Variants in VWDE observed in about 807,000 individuals in gnomAD.
VWDE encodes the protein von Willebrand factor D and EGF domain-containing protein.
In VWDE, 207 loss-of-function variants were observed where a neutral mutation model predicts 178.4. The observed-to-expected ratio is 1.16, with a 90% confidence interval of 1.04 to 1.30. The LOEUF (loss-of-function observed/expected upper bound fraction) is 1.30. Ranked by LOEUF, VWDE falls within the 50% of genes most tolerant of loss-of-function variation. The probability of loss-of-function intolerance (pLI) is 0.00; values close to 1 mark genes in which losing one functional copy is unlikely to be tolerated. For synonymous variants in VWDE, 738 were observed against 651.4 expected (o/e 1.13, Z -2.02); for missense variants, 2,287 against 1,901.3 (o/e 1.20, Z -3.77).
chr7:12,376,366 G>A (rs995899384), intron 7 of VWDE, among the ~76,000 whole-genome samples: 1 of 151,962 alleles, frequency 6.6e-6, no homozygotes, highest in African/African-American at 2.4e-5. Context: ...AAGATGAGGG[G>A]TATCCAGAAT....
chr7:12,357,598 C>A, intron 16 of VWDE, 83 bp from the exon 17 acceptor site: 1 of 1,437,570 alleles, frequency 7.0e-7, no homozygotes, highest in Non-Finnish European at 9.3e-7. Context: ...CAGAGATATG[C>A]ATTTTGATAA....
At chr7:12,381,663 C>T (rs1283871936) in intron 4 of VWDE, among the ~76,000 whole-genome samples, 1 of 151,832 alleles carries the variant, frequency 6.6e-6, no homozygotes, top group African/African-American at 2.4e-5. Flanking sequence ...AAATATTTTG[C>T]TAAGCATTTT....
Position 12,370,432 on chromosome 7 carries a change from C to T in VWDE, c.1874G>A (p.Cys625Tyr). 6.5e-7 allele frequency: 1 copy of T among 1,545,028 alleles called. No homozygotes were observed. Residue 625 changes from cysteine to tyrosine, a missense_variant, in exon 12 of 29, where the codon TGT (cysteine) becomes TAT (tyrosine). By Grantham distance (194) the Cys-to-Tyr change is radical. Coordinates refer to ENST00000275358, the MANE Select transcript of VWDE (RefSeq NM_001135924.3). Reference protein sequence around the residue: ...TSPGKPSYCSCSLDTAAYPSS... With the variant: ...TSPGKPSYCSYSLDTAAYPSS... Reference sequence around the variant, plus strand: ...CGGATACGCTGCAGTGTCCAATGAACAGCTACAATAGGATGGCTTTCCAGG... The same window carrying T: ...CGGATACGCTGCAGTGTCCAATGAATAGCTACAATAGGATGGCTTTCCAGG...
At position 12,375,084 on chromosome 7, in the gene VWDE, C is replaced by T. The variant is rs1008379000; in HGVS notation, c.1168G>A (p.Val390Ile). Residue 390 changes from valine (V) to isoleucine (I), a missense_variant, in exon 8 of 29, where the codon GTC becomes ATC. Transcript: ENST00000275358. ...VTDFSRDGDR[V>I]SNIVVQPIVN... Reference sequence around the variant, plus strand: ...ATTGGTTGCACTACAATGTTTGAGACTCTATCTCCATCTCGAGAAAAATCT... The same window carrying T: ...ATTGGTTGCACTACAATGTTTGAGATTCTATCTCCATCTCGAGAAAAATCT... 6.4e-7 allele frequency: 1 copy of T among 1,551,316 alleles called. No homozygotes were observed. The highest frequency in any genetic ancestry group is 8.7e-7 in the Non-Finnish European group (1 of 1,146,728).
chr7:12,388,805 C>T (rs1031484585), intron 3 of VWDE: 7 of 430,480 alleles, frequency 1.6e-5, no homozygotes, highest in Non-Finnish European at 2.3e-5. Flanking sequence ...AACTTTTACT[C>T]ACCCTTCTTC....
intron 19 of VWDE, among the ~76,000 whole-genome samples, chr7:12,346,045 CA>C (rs760308817): frequency 1.4e-4 from 21 of 151,936 alleles, no homozygotes; most frequent in Admixed American, 1.3e-4. Context: ...TTAAGTAATT[CA>C]TTCCTTCATT....
At chr7:12,385,174 T>C (rs1784038984) in intron 3 of VWDE, among the ~76,000 whole-genome samples, 1 of 152,156 alleles carries the variant, frequency 6.6e-6, no homozygotes, top group Non-Finnish European at 1.5e-5. Context: ...TATATACACA[T>C]ATATATGAAT....
intron 3 of VWDE, among the ~76,000 whole-genome samples, chr7:12,387,056 T>C (rs1300843198): frequency 6.6e-6 from 1 of 152,178 alleles, no homozygotes; most frequent in Non-Finnish European, 1.5e-5. Flanking sequence ...CTTATTTCTT[T>C]TTTAAAGATA....
intron 2 of VWDE, among the ~76,000 whole-genome samples, chr7:12,392,939 C>A (rs562690417): frequency 3.9e-5 from 6 of 152,088 alleles, no homozygotes; most frequent in African/African-American, 1.4e-4. Flanking sequence ...GGTATGCTGG[C>A]TGCACAAATT....
At chr7:12,390,433 C>T (rs1256907708) in intron 2 of VWDE, among the ~76,000 whole-genome samples, 1 of 151,848 alleles carries the variant, frequency 6.6e-6, no homozygotes, top group Non-Finnish European at 1.5e-5. Context: ...TATAATGCAA[C>T]TTCTACATAG....
chr7:12,336,081 A>C, intron 27 of VWDE, 60 bp downstream of exon 27: 1 of 1,393,614 alleles, frequency 7.2e-7, no homozygotes, highest in Non-Finnish European at 9.8e-7. Context: ...GCTATACTTT[A>C]ATTATTATAA....
Position 12,377,836 on chromosome 7 carries a change from C to G in VWDE, c.964G>C (p.Glu322Gln), listed in dbSNP as rs1475091155. The change falls in exon 7 of 29, where the codon GAA becomes CAA. Residue 322 changes from glutamate to glutamine, a missense_variant. Transcript: ENST00000275358. ...CATTCTTGATCAAGCTCACTAAATT[C>G]AGAACAAATAATAGGAACTGTGCTT... ...IESTVPIICS[E>Q]FSELDQECKI... 4 of 1,530,186 alleles carry G rather than the reference C, an allele frequency of 2.6e-6. No individual in the cohort carries two copies. The highest frequency in any genetic ancestry group is 1.4e-5 in the African/African-American group (1 of 72,296). 94.8% of individuals were successfully genotyped at this position (1,530,186 alleles called of 1,614,324 possible).
At chr7:12,371,592 T>C (rs868091252) in intron 10 of VWDE, among the ~76,000 whole-genome samples, 31 of 152,162 alleles carry the variant, frequency 2.0e-4, no homozygotes, top group African/African-American at 7.5e-4. Context: ...TAAAAATAAC[T>C]CTTTTTTTCT....
intron 28 of VWDE, 82 bp from the exon 29 acceptor site, chr7:12,331,279 CCT>C: frequency 6.8e-6 from 8 of 1,171,214 alleles, no homozygotes; most frequent in Non-Finnish European, 9.7e-6. Context: ...TGCCTCCTTC[CCT>C]CTGACATGAT....
At chr7:12,336,061 T>C (rs1245579891) in intron 27 of VWDE, 80 bp downstream of exon 27, 17 of 1,261,972 alleles carry the variant, frequency 1.3e-5, no homozygotes, top group Non-Finnish European at 1.8e-5. Flanking sequence ...CCTTATGGAC[T>C]TGTCCTAAAG....
intron 13 of VWDE, among the ~76,000 whole-genome samples, 181 bp from the exon 14 acceptor site, chr7:12,361,702 T>C (rs1782591701): frequency 6.6e-6 from 1 of 152,088 alleles, no homozygotes; most frequent in East Asian, 1.9e-4. Flanking sequence ...AACATATATA[T>C]GTTAATATGA....
chr7:12,367,291 T>A lies in VWDE; in HGVS notation c.2898+66A>T, dbSNP rs1417571392. 3.9e-6 allele frequency: 5 copies of A among 1,292,546 alleles called. No individual in the cohort carries two copies. In the African/African-American group the frequency reaches 4.6e-5, roughly 12 times the overall value. The allele number at this position is 1,292,546 out of a possible 1,614,324, so 80.1% of individuals were successfully genotyped here. On this transcript the variant is annotated intron_variant, in intron 13 of 28. Transcript: ENST00000275358. ...GTTGCTAATTGATAGACCGAATTAA[T>A]CCAAGATAATATTAATCTGAGTATC... is the stretch of plus-strand genomic sequence containing the variant.
At chr7:12,356,459 TACAC>T (rs34642611) in intron 17 of VWDE, 129 bp from the exon 18 acceptor site, 8 of 631,356 alleles carry the variant, frequency 1.3e-5, no homozygotes, top group Admixed American at 3.0e-5. Flanking sequence ...TTGATATATA[TACAC>T]ACACACACAA....
intron 19 of VWDE, among the ~76,000 whole-genome samples, chr7:12,346,687 C>T (rs953120692): frequency 2.6e-5 from 4 of 151,952 alleles, no homozygotes; most frequent in African/African-American, 9.7e-5. Context: ...TTTTTTACTT[C>T]TTTGGTATGG....
Sources: allele counts gnomAD v4.1 joint callset (sites outside exome capture counted in the v4.1 genomes callset), GRCh38; gene constraint gnomAD v4.1.1; transcripts MANE v1.5; gene names NCBI Gene and HGNC (gene_info 2026-07-23, HGNC 2026-07-21).